Variants in SH3GL3 observed in about 807,000 individuals in gnomAD.
The protein encoded by SH3GL3 is endophilin-A3.
In SH3GL3, 33 loss-of-function variants were observed where a neutral mutation model predicts 47.7. That is an observed-to-expected ratio of 0.69 (90% CI 0.52 to 0.92). SH3GL3 has a LOEUF of 0.92. Among genes scored for constraint, SH3GL3 ranks in the 40% least tolerant of loss-of-function variants. The pLI is 0.00. For missense variants in SH3GL3, 363 were observed against 417.8 expected (o/e 0.87, Z 1.14); for synonymous variants, 155 against 148.8 (o/e 1.04, Z -0.30).
chr15:83,559,366 T>C (rs1379730843), intron 2 of SH3GL3, 45 bp downstream of exon 2: 2 of 1,013,392 alleles, frequency 2.0e-6, no homozygotes, highest in Admixed American at 1.7e-5. Context: ...CTGACTTTCA[T>C]TGTGATATGA....
In SH3GL3 at chr15:83,595,618, G is replaced by GT. The variant is rs33947427; in HGVS notation, c.838+6862dup. ...TCAGCTCTCTGTAAAGTTACTCCTT[G>GT]TTTTTTTTTTTTTTTCCTGCATGAA... is the stretch of plus-strand genomic sequence containing the variant. On this transcript the variant is annotated intron_variant, in intron 8 of 8. Transcript: ENST00000427482. Among the ~76,000 whole-genome samples the GT allele has an allele frequency of 2.6e-3, 375 of 144,194 alleles. 3 individuals are homozygous for GT. Among genetic ancestry groups the GT allele is most frequent in the Non-Finnish European group, 3.6e-3 (238 of 66,084 alleles). The allele number at this position is 144,194 out of a possible 152,430, so 94.6% of individuals were successfully genotyped here.
chr15:83,525,861 T>C (rs1007004843), intron 1 of SH3GL3, among the ~76,000 whole-genome samples: 26 of 152,186 alleles, frequency 1.7e-4, no homozygotes, highest in African/African-American at 5.8e-4. Context: ...GGGTTCTCTA[T>C]TCGTGTTCTG....
chr15:83,475,461 C>T (rs1425354158), intron 1 of SH3GL3, among the ~76,000 whole-genome samples: 1 of 151,610 alleles, frequency 6.6e-6, no homozygotes, highest in African/African-American at 2.4e-5. Context: ...CCTGGGTGAC[C>T]GAGTGAGCTT....
rs113558690 is a variant in SH3GL3 at position 83,618,318 on chromosome 15, G to A, written c.*31G>A. 64 of 1,395,122 alleles carry A rather than the reference G, an allele frequency of 4.6e-5. No homozygotes were observed. The highest frequency in any genetic ancestry group is 5.7e-5 in the Non-Finnish European group (56 of 980,566). 86.4% of individuals were successfully genotyped at this position (1,395,122 alleles called of 1,614,324 possible). On this transcript the variant is annotated 3_prime_UTR_variant, in exon 9 of 9. Coordinates refer to ENST00000427482, the MANE Select transcript of SH3GL3 (RefSeq NM_003027.5). ...TAACACAAACTCTGGACATACTTTC[G>A]TAACTGAAATGAATTCACACCAGTG...
At chr15:83,494,293 G>T (rs2041993532) in intron 1 of SH3GL3, among the ~76,000 whole-genome samples, 1 of 152,216 alleles carries the variant, frequency 6.6e-6, no homozygotes, top group African/African-American at 2.4e-5. Flanking sequence ...CACTGGAACA[G>T]GTTGGGTGAG....
At chr15:83,562,448 G>T (rs2045335753) in intron 2 of SH3GL3, among the ~76,000 whole-genome samples, 1 of 152,022 alleles carries the variant, frequency 6.6e-6, no homozygotes, top group Non-Finnish European at 1.5e-5. Context: ...GTCCAAAAAG[G>T]GTTGTATATA....
chr15:83,541,310 C>CTTT (rs2044143784), intron 1 of SH3GL3, among the ~76,000 whole-genome samples: 2 of 47,740 alleles, frequency 4.2e-5, no homozygotes, highest in African/African-American at 6.5e-5. Context: ...TATGGTAATT[C>CTTT]TATTTTTTTT....
intron 1 of SH3GL3, among the ~76,000 whole-genome samples, chr15:83,506,494 C>T (rs1431751428): frequency 2.0e-5 from 3 of 152,162 alleles, no homozygotes; most frequent in African/African-American, 4.8e-5. Flanking sequence ...TCTGATAGGG[C>T]CTGCTCCTGC....
chr15:83,616,830 A>G (rs2060833703), intron 8 of SH3GL3, among the ~76,000 whole-genome samples: 1 of 152,170 alleles, frequency 6.6e-6, no homozygotes, highest in South Asian at 2.1e-4. Flanking sequence ...GGAAGGAAGG[A>G]AAAGAAGAGA....
At position 83,603,070 on chromosome 15, in the gene SH3GL3, GC is replaced by G. The variant is rs370745383; in HGVS notation, c.838+14302del. Among the ~76,000 whole-genome samples the G allele has an allele frequency of 2.4e-3, 371 of 152,018 alleles. 2 individuals carry two copies. The highest frequency in any genetic ancestry group is 8.2e-3 in the African/African-American group (342 of 41,472). ...GCTGGAGTGCAGTGGTGGGATCTCG[GC>G]CCACTGCAACCTCCGCTTCCCAGGT... is the stretch of plus-strand genomic sequence containing the variant. On this transcript the variant is annotated intron_variant, in intron 8 of 8. Coordinates refer to ENST00000427482, the MANE Select transcript of SH3GL3 (RefSeq NM_003027.5).
At chr15:83,572,543 G>A in intron 4 of SH3GL3, 22 bp from the exon 5 acceptor site, 2 of 1,602,670 alleles carry the variant, frequency 1.2e-6, no homozygotes, top group Non-Finnish European at 1.7e-6. Flanking sequence ...AGAACCTTTT[G>A]TATTTATGTT....
At chr15:83,485,399 G>A (rs528299293) in intron 1 of SH3GL3, among the ~76,000 whole-genome samples, 59 of 152,116 alleles carry the variant, frequency 3.9e-4, no homozygotes, top group Non-Finnish European at 6.9e-4. Context: ...TTGTTTTTAG[G>A]TAATTTTTTG....
At chr15:83,628,604 G>A in the SH3GL3 span, among the ~76,000 whole-genome samples, 41 of 152,110 alleles carry the variant, frequency 2.7e-4, no homozygotes, top group Admixed American at 1.1e-3. Context: ...TCAGCTATGA[G>A]TGGTGGCAGG....
chr15:83,460,036 CCCTCCCTCCCTCCCTCCCTG>C (rs1177937354), intron 1 of SH3GL3, among the ~76,000 whole-genome samples: 45 of 54,800 alleles, frequency 8.2e-4, no homozygotes, highest in South Asian at 1.8e-3. Context: ...CTCCCTCCCT[CCCTCCCTCCCTCCCTCCCTG>C]CCTCCCTCCC....
intron 1 of SH3GL3, among the ~76,000 whole-genome samples, chr15:83,464,833 C>T (rs2040486025): frequency 6.6e-6 from 1 of 152,072 alleles, no homozygotes; most frequent in Admixed American, 6.6e-5. Flanking sequence ...AGCTACAATT[C>T]ATTTGCCCAC....
At chr15:83,616,147 G>C (rs887748947) in intron 8 of SH3GL3, among the ~76,000 whole-genome samples, 4 of 151,516 alleles carry the variant, frequency 2.6e-5, no homozygotes, top group African/African-American at 9.7e-5. Context: ...AATATGTGTA[G>C]TATAAAGGGA....
At chr15:83,533,988 CCCAGGGTTTA>C (rs2043797188) in intron 1 of SH3GL3, among the ~76,000 whole-genome samples, 1 of 152,124 alleles carries the variant, frequency 6.6e-6, no homozygotes, top group South Asian at 2.1e-4. Flanking sequence ...CACTTCTGGT[CCCAGGGTTTA>C]CCAGGCTTTG....
intron 1 of SH3GL3, among the ~76,000 whole-genome samples, chr15:83,451,054 T>G (rs1331435560): frequency 2.6e-5 from 3 of 114,614 alleles, no homozygotes; most frequent in Non-Finnish European, 3.5e-5. Context: ...GAATATGCGG[T>G]GTTTGGTTTT....
Position 83,560,250 on chromosome 15 carries a change from G to A in SH3GL3, c.114+929G>A, listed in dbSNP as rs377292298. On this transcript the variant is annotated intron_variant, in intron 2 of 8. Transcript: ENST00000427482. Reference sequence around the variant, plus strand: ...GGAAGGAAGTCCAGCCCCAGGCTGCGCACTGCCTGGGAGAGTATCTCCCCA... The same window carrying A: ...GGAAGGAAGTCCAGCCCCAGGCTGCACACTGCCTGGGAGAGTATCTCCCCA... 5.9e-5 allele frequency among the ~76,000 whole-genome samples: 9 copies of A among 152,162 alleles called. No homozygotes were observed. The East Asian group carries it at 1.5e-3, about 26-fold the overall frequency.
Sources: allele counts gnomAD v4.1 joint callset (sites outside exome capture counted in the v4.1 genomes callset), GRCh38; gene constraint gnomAD v4.1.1; transcripts MANE v1.5; gene names NCBI Gene and HGNC (gene_info 2026-07-23, HGNC 2026-07-21).